Variants in MRPL19 observed in about 807,000 individuals in gnomAD.
The protein encoded by MRPL19 is mitochondrial ribosomal protein L19, also known as large ribosomal subunit protein bL19m.
A neutral mutation model predicts 34.0 loss-of-function variants in MRPL19; 31 were observed. The ratio of observed to expected loss-of-function variants is 0.91; its 90% confidence interval spans 0.68 to 1.23. MRPL19 has a LOEUF of 1.23. MRPL19 is among the 50% of genes most tolerant of loss of function. The pLI, the probability that MRPL19 is intolerant of heterozygous loss-of-function variation, is 0.00. For synonymous variants in MRPL19, 152 were observed against 127.7 expected, an observed-to-expected ratio of 1.19 and a Z score of -1.28; for missense variants, 384 against 367.6, an observed-to-expected ratio of 1.04 and a Z score of -0.37.
At chr2:75,650,217 G>A (rs1405779057) in intron 2 of MRPL19, among the ~76,000 whole-genome samples, 1 of 152,088 alleles carries the variant, frequency 6.6e-6, no homozygotes, top group Non-Finnish European at 1.5e-5. Flanking sequence ...AATATTCATT[G>A]TACTGTCATT....
At position 75,661,224 on chromosome 2, in the gene MRPL19, A is replaced by G. The variant is rs1678609294; in HGVS notation, c.*5939A>G. 6.6e-6 allele frequency: 1 copy of G among 152,180 alleles called. No homozygotes were observed. The highest frequency in any genetic ancestry group is 1.5e-5 in the Non-Finnish European group (1 of 68,036). 9.4% of individuals were successfully genotyped at this position (152,180 alleles called of 1,614,324 possible). A position where few individuals can be genotyped will look rare whatever the true frequency, so the allele number is the denominator to read the frequency against. On this transcript the variant is annotated 3_prime_UTR_variant, in exon 6 of 6. Coordinates refer to ENST00000393909, the MANE Select transcript of MRPL19 (RefSeq NM_014763.4). ...TGTCACAAAGCTTTCTTGCCATTTT[A>G]AAGTTGCCTGTTCTTGACTCAGCAT...
rs1309769749 is a variant in MRPL19 at position 75,658,260 on chromosome 2, T to A, written c.*2975T>A. Among the ~76,000 whole-genome samples, 1 of 152,126 alleles carries A rather than the reference T, an allele frequency of 6.6e-6. No individual in the cohort carries two copies. On this transcript the variant is annotated 3_prime_UTR_variant, in exon 6 of 6. Transcript: ENST00000393909. The stretch of plus-strand genomic sequence containing the variant: ...GTTTTTTGTAGAGATGTGGTCTTGC[T>A]ATGTTTCCCATGCTGGTCTTGAGTT...
Position 75,647,191 on chromosome 2 carries a change from A to T in MRPL19, c.193A>T (p.Lys65Ter). The part of the protein sequence containing the change: ...QPPPKPVIVD[K>*]HRPVEPERRF... ...GCCGCCGAAACCGGTCATCGTGGAC[A>T]AGCACCGCCCCGTGGAACCGGAACG... is the stretch of plus-strand genomic sequence containing the variant. Residue 65 changes from lysine to a stop codon, truncating the protein, a stop_gained, in exon 2 of 6, where the codon AAG (lysine) becomes TAG (stop). Transcript: ENST00000393909. LOFTEE classifies it high-confidence loss of function. The T allele has an allele frequency of 6.3e-7, 1 of 1,581,358 alleles. No homozygotes were observed. Among genetic ancestry groups the T allele is most frequent in the Non-Finnish European group, 8.6e-7 (1 of 1,163,296 alleles).
Position 75,647,315 on chromosome 2 carries a change from C to G in MRPL19, c.221+96C>G, listed in dbSNP as rs766927161. On this transcript the variant is annotated intron_variant, in intron 2 of 5. Coordinates refer to ENST00000393909, the MANE Select transcript of MRPL19 (RefSeq NM_014763.4). ...TCCCGGCTCTAAGGTGGGGGCTGCA[C>G]CTCCCCCTGCACGAGCAGGTGTGTA... The G allele has an allele frequency of 9.1e-4, 1,037 of 1,145,664 alleles. 6 individuals are homozygous for G. Among genetic ancestry groups the G allele is most frequent in the Non-Finnish European group, 9.9e-4 (800 of 807,324 alleles). The allele number at this position is 1,145,664 out of a possible 1,614,324, so 71.0% of individuals were successfully genotyped here. A position where few individuals can be genotyped will look rare whatever the true frequency, so the allele number is the denominator to read the frequency against.
rs190537239 is a variant in MRPL19 at position 75,652,535 on chromosome 2, G to A, written c.353G>A (p.Arg118His). 1.2e-5 allele frequency: 19 copies of A among 1,611,684 alleles called. No individual in the cohort carries two copies. Among genetic ancestry groups the A allele is most frequent in the East Asian group, 4.5e-5 (2 of 44,818 alleles). Residue 118 changes from arginine to histidine, a missense_variant, in exon 4 of 6, where the codon CGT becomes CAT. Arg to His is a conservative substitution (Grantham distance 29, BLOSUM62 0). Coordinates refer to ENST00000393909, the MANE Select transcript of MRPL19 (RefSeq NM_014763.4). ...TTTGAATTTGTAGGAAGTATTCTTC[G>A]TGTTACTACAGCTGACCCATATGCC... ...IPEFYVGSIL[R>H]VTTADPYASG...
At chr2:75,653,059 A>G (rs773926971) in intron 4 of MRPL19, among the ~76,000 whole-genome samples, 1 of 152,216 alleles carries the variant, frequency 6.6e-6, no homozygotes, top group African/African-American at 2.4e-5. Flanking sequence ...ATTTTACTTT[A>G]TGTTATGACA....
Position 75,652,609 on chromosome 2 carries a change from A to G in MRPL19, c.427A>G (p.Arg143Gly), listed in dbSNP as rs202045157. The change falls in exon 4 of 6, where the codon AGA (arginine) becomes GGA (glycine). Residue 143 changes from arginine to glycine, a missense_variant. Physicochemically the swap from Arg to Gly is moderately radical, Grantham distance 125 (BLOSUM62 -2). Transcript: ENST00000393909. The part of the protein sequence containing the change: ...FLGICIQRSG[R>G]GLGATFILRN... ...GGGGATTTGCATTCAGAGATCAGGA[A>G]GAGGACTTGGAGCTACTTTCATCCT... 6.2e-7 allele frequency: 1 copy of G among 1,613,902 alleles called. No individual in the cohort carries two copies. Among genetic ancestry groups the G allele is most frequent in the Non-Finnish European group, 8.5e-7 (1 of 1,179,832 alleles).
intron 2 of MRPL19, among the ~76,000 whole-genome samples, chr2:75,649,242 A>G (rs1170805435): frequency 6.6e-6 from 1 of 152,206 alleles, no homozygotes; most frequent in Non-Finnish European, 1.5e-5. Flanking sequence ...GCTTGATTGT[A>G]TTTTGAATTG....
Position 75,662,134 on chromosome 2 carries a change from G to A in MRPL19, c.*6849G>A, listed in dbSNP as rs1292622204. 1 of 152,154 alleles carries A rather than the reference G, an allele frequency of 6.6e-6. No homozygotes were observed. The highest frequency in any genetic ancestry group is 1.5e-5 in the Non-Finnish European group (1 of 68,030). The allele number at this position is 152,154 out of a possible 1,614,324, so 9.4% of individuals were successfully genotyped here. ...GGATTTTCTCCTTTATTCTGTTCGTGAGTGATTACACTGGTTGACTAATGT... is the reference window on the plus strand; with the variant it reads ...GGATTTTCTCCTTTATTCTGTTCGTAAGTGATTACACTGGTTGACTAATGT... On this transcript the variant is annotated 3_prime_UTR_variant, in exon 6 of 6. Coordinates refer to ENST00000393909, the MANE Select transcript of MRPL19 (RefSeq NM_014763.4).
chr2:75,649,197 C>T (rs567944560), intron 2 of MRPL19, among the ~76,000 whole-genome samples: 1 of 152,298 alleles, frequency 6.6e-6, no homozygotes, highest in African/African-American at 2.4e-5. Flanking sequence ...GAAAAAAGTC[C>T]TAGTCTGAGA....
Position 75,658,538 on chromosome 2 carries a change from A to G in MRPL19, c.*3253A>G, listed in dbSNP as rs1678519080. 6.6e-6 allele frequency among the ~76,000 whole-genome samples: 1 copy of G among 152,112 alleles called. No homozygotes were observed. The highest frequency in any genetic ancestry group is 2.4e-5 in the African/African-American group (1 of 41,418). On this transcript the variant is annotated 3_prime_UTR_variant, in exon 6 of 6. Coordinates refer to ENST00000393909, the MANE Select transcript of MRPL19 (RefSeq NM_014763.4). ...TACATCTTGAGTAGAATTGCTAGATAATGTCATGTTTTATTTCTCTTGTGA... is the reference window on the plus strand; with the variant it reads ...TACATCTTGAGTAGAATTGCTAGATGATGTCATGTTTTATTTCTCTTGTGA...
In MRPL19 at chr2:75,657,220, A is replaced by C. The variant is rs577120320; in HGVS notation, c.*1935A>C. ...CTGTCTTCTTATGGTTGAAAGAGGG[A>C]CTAAAAAGCTTGGAAAGCCTTTGGG... On this transcript the variant is annotated 3_prime_UTR_variant, in exon 6 of 6. Transcript: ENST00000393909. 6.6e-6 allele frequency: 1 copy of C among 152,090 alleles called. No homozygotes were observed. The highest frequency in any genetic ancestry group is 2.4e-5 in the African/African-American group (1 of 41,520). The allele number at this position is 152,090 out of a possible 1,614,324, so 9.4% of individuals were successfully genotyped here. A position where few individuals can be genotyped will look rare whatever the true frequency, so the allele number is the denominator to read the frequency against.
intron 4 of MRPL19, among the ~76,000 whole-genome samples, chr2:75,653,329 G>A (rs907503489): frequency 2.0e-4 from 31 of 152,248 alleles, no homozygotes; most frequent in Non-Finnish European, 1.9e-4. Context: ...GGCTGTGCGT[G>A]CAGGAATTCA....
chr2:75,655,467 T>C lies in MRPL19; in HGVS notation c.*182T>C. On this transcript the variant is annotated 3_prime_UTR_variant, in exon 6 of 6. Coordinates refer to ENST00000393909, the MANE Select transcript of MRPL19 (RefSeq NM_014763.4). ...CCAGTTTATTACTCTAAAAAGAGAA[T>C]TACACATGCCAAATGGACCAATGTC... 2 of 517,490 alleles carry C rather than the reference T, an allele frequency of 3.9e-6. No homozygotes were observed. The highest frequency in any genetic ancestry group is 3.3e-5 in the East Asian group (1 of 30,526). The allele number at this position is 517,490 out of a possible 1,614,324, so 32.1% of individuals were successfully genotyped here.
At chr2:75,648,259 A>G (rs958495181) in intron 2 of MRPL19, among the ~76,000 whole-genome samples, 7 of 152,190 alleles carry the variant, frequency 4.6e-5, no homozygotes, top group Admixed American at 4.6e-4. Flanking sequence ...ATTTGACAGA[A>G]TTTACTAAGT....
At chr2:75,652,429 G>T in intron 3 of MRPL19, 94 bp from the exon 4 acceptor site, 1 of 1,458,226 alleles carries the variant, frequency 6.9e-7, no homozygotes, top group Middle Eastern at 1.9e-4. Context: ...AAGTTATCTA[G>T]AAATGCTATT....
chr2:75,661,370 C>G lies in MRPL19; in HGVS notation c.*6085C>G, dbSNP rs1055363606. The G allele has an allele frequency of 6.6e-6, 1 of 151,812 alleles. No individual in the cohort carries two copies. Among genetic ancestry groups the G allele is most frequent in the Admixed American group, 6.6e-5 (1 of 15,242 alleles). 9.4% of individuals were successfully genotyped at this position (151,812 alleles called of 1,614,324 possible). A position where few individuals can be genotyped will look rare whatever the true frequency, so the allele number is the denominator to read the frequency against. ...GGGATTGGGGTCTCACTATACTGACCAGGCTGGTCTTGAACTTCTGGCCTC... is the reference window on the plus strand; with the variant it reads ...GGGATTGGGGTCTCACTATACTGACGAGGCTGGTCTTGAACTTCTGGCCTC... On this transcript the variant is annotated 3_prime_UTR_variant, in exon 6 of 6. Transcript: ENST00000393909.
rs920519649 is a variant in MRPL19 at position 75,647,119 on chromosome 2, G to C, written c.121G>C (p.Val41Leu). 6.3e-7 allele frequency: 1 copy of C among 1,586,956 alleles called. No homozygotes were observed. The highest frequency in any genetic ancestry group is 1.3e-5 in the African/African-American group (1 of 74,496). The change falls in exon 2 of 6, where the codon GTC becomes CTC. Residue 41 changes from valine (V) to leucine (L), a missense_variant. Coordinates refer to ENST00000393909, the MANE Select transcript of MRPL19 (RefSeq NM_014763.4). ...TCCCGCAGGGGTCCACGCGGGGCCT[G>C]TCCGGCAGCAGAGCACTGGGCCTTC... ...SIACRVHAGP[V>L]RQQSTGPSEP...
In MRPL19 at chr2:75,646,807, C is replaced by A. The variant is rs776445720; in HGVS notation, c.-1C>A. 28 of 1,516,028 alleles carry A rather than the reference C, an allele frequency of 1.8e-5. No individual in the cohort carries two copies. Among genetic ancestry groups the A allele is most frequent in the Non-Finnish European group, 2.4e-5 (27 of 1,130,994 alleles). The allele number at this position is 1,516,028 out of a possible 1,614,324, so 93.9% of individuals were successfully genotyped here. On this transcript the variant is annotated 5_prime_UTR_variant, in exon 1 of 6. Transcript: ENST00000393909. ...TGTAGTCTTGACGTGAGCTAGCTGGCATGGCGGCCTGCATTGCAGCGGGGC... is the reference window on the plus strand; with the variant it reads ...TGTAGTCTTGACGTGAGCTAGCTGGAATGGCGGCCTGCATTGCAGCGGGGC...
Sources: allele counts gnomAD v4.1 joint callset (sites outside exome capture counted in the v4.1 genomes callset), GRCh38; gene constraint gnomAD v4.1.1; transcripts MANE v1.5; gene names NCBI Gene and HGNC (gene_info 2026-07-23, HGNC 2026-07-21).